Variants in PHACTR3 observed in about 807,000 individuals in gnomAD.
PHACTR3 encodes phosphatase and actin regulator 3.
In PHACTR3, 16 loss-of-function variants were observed where a neutral mutation model predicts 66.8. The observed-to-expected ratio is 0.24, with a 90% CI of 0.16 to 0.36. The LOEUF (loss-of-function observed/expected upper bound fraction) is 0.36. Among genes scored for constraint, PHACTR3 ranks in the 10% least tolerant of loss-of-function variants. The pLI, the probability that PHACTR3 is intolerant of heterozygous loss-of-function variation, is 1.00. For missense variants in PHACTR3, 647 were observed against 719.9 expected (o/e 0.90, Z 1.16); for synonymous variants, 323 against 292.1 (o/e 1.11, Z -1.08).
At chr20:59,634,826 C>T (rs1282376323) in intron 1 of PHACTR3, among the ~76,000 whole-genome samples, 1 of 152,168 alleles carries the variant, frequency 6.6e-6, no homozygotes, top group African/African-American at 2.4e-5. Flanking sequence ...GCTGAACACT[C>T]GAAATGTGGC....
At chr20:59,579,250 C>T (rs759288778) in intron 1 of PHACTR3, among the ~76,000 whole-genome samples, 2 of 152,240 alleles carry the variant, frequency 1.3e-5, no homozygotes, top group African/African-American at 4.8e-5. Flanking sequence ...GCTCCTCAGT[C>T]GCTGGGCATT....
At chr20:59,815,678 C>T (rs1161711021) in intron 8 of PHACTR3, among the ~76,000 whole-genome samples, 1 of 152,144 alleles carries the variant, frequency 6.6e-6, no homozygotes, top group Non-Finnish European at 1.5e-5. Context: ...CTGCCTTGGC[C>T]TCCCAAAGTG....
chr20:59,692,405 A>T (rs1298718995), intron 1 of PHACTR3, among the ~76,000 whole-genome samples: 1 of 152,162 alleles, frequency 6.6e-6, no homozygotes, highest in Non-Finnish European at 1.5e-5. Context: ...TTGCCCAGTG[A>T]TGATTTTGAC....
intron 4 of PHACTR3, among the ~76,000 whole-genome samples, chr20:59,759,861 C>T (rs539269144): frequency 7.2e-5 from 11 of 152,302 alleles, no homozygotes; most frequent in Admixed American, 2.0e-4. Flanking sequence ...AAATGTGTCA[C>T]GTGAGTGCTG....
chr20:59,579,053 C>T (rs1219810398), intron 1 of PHACTR3, among the ~76,000 whole-genome samples: 3 of 152,222 alleles, frequency 2.0e-5, no homozygotes, highest in Non-Finnish European at 1.5e-5. Flanking sequence ...AGTGTCAGTG[C>T]CCTCCCCTAA....
chr20:59,775,975 T>A (rs1182489), intron 7 of PHACTR3, among the ~76,000 whole-genome samples: 92,978 of 152,100 alleles, frequency 0.61, 30,210 homozygotes, highest in Non-Finnish European at 0.71. Flanking sequence ...GTGAAGACAA[T>A]CTAAAATGTC....
chr20:59,587,771 T>C (rs1024068637), intron 1 of PHACTR3, among the ~76,000 whole-genome samples: 1 of 151,966 alleles, frequency 6.6e-6, no homozygotes, highest in Non-Finnish European at 1.5e-5. Flanking sequence ...GGGCTGGGGC[T>C]GGGGCCTGGG....
intron 11 of PHACTR3, among the ~76,000 whole-genome samples, chr20:59,842,781 C>T (rs541222075): frequency 2.6e-5 from 4 of 152,014 alleles, no homozygotes; most frequent in Non-Finnish European, 5.9e-5. Flanking sequence ...GTGCTTGGTC[C>T]GTTTAGGTAT....
Position 59,743,121 on chromosome 20 carries a change from A to G in PHACTR3, c.133A>G (p.Thr45Ala), listed in dbSNP as rs746642893. Residue 45 changes from threonine (T) to alanine (A), a missense_variant, in exon 2 of 13, where the codon ACG becomes GCG. Thr to Ala is a moderately conservative substitution (Grantham distance 58, BLOSUM62 0). Around this residue, in one of 2 missense-constraint regions of PHACTR3, gnomAD observed 577 missense variants for 571.1 expected, o/e 1.01. Transcript: ENST00000371015. ...AGENPDEMDQ[T>A]PPARPEYLVS... is the part of the protein sequence containing the mutation. ...TCGTCTTCCAGATGAGATGGACCAA[A>G]CGCCCCCGGCGCGTCCTGAATATCT... The G allele has an allele frequency of 4.3e-6, 7 of 1,613,182 alleles. No homozygotes were observed. The East Asian group carries it at 1.6e-4, about 36-fold the overall frequency.
intron 3 of PHACTR3, 59 bp downstream of exon 3, chr20:59,747,894 G>T: frequency 6.4e-7 from 1 of 1,555,392 alleles, no homozygotes; most frequent in Non-Finnish European, 8.8e-7. Context: ...AGAATGGAAA[G>T]TCTCACATGA....
chr20:59,589,863 A>T (rs890740287), intron 1 of PHACTR3, among the ~76,000 whole-genome samples: 2 of 152,216 alleles, frequency 1.3e-5, no homozygotes, highest in African/African-American at 4.8e-5. Context: ...TTGCTCTTTT[A>T]TTTATTATTA....
chr20:59,794,303 T>C (rs1292767166), intron 7 of PHACTR3, among the ~76,000 whole-genome samples: 1 of 152,216 alleles, frequency 6.6e-6, no homozygotes, highest in Non-Finnish European at 1.5e-5. Context: ...TATGAAGTGA[T>C]GTTGAATTTT....
chr20:59,738,075 C>T lies in PHACTR3; in HGVS notation c.119-5032C>T, dbSNP rs986405852. 3.9e-5 allele frequency among the ~76,000 whole-genome samples: 6 copies of T among 151,932 alleles called. No individual in the cohort carries two copies. The highest frequency in any genetic ancestry group is 1.3e-4 in the Admixed American group (2 of 15,250). ...AGTGATGGTGGTAGGGAGGGGGAGG[C>T]GCCACTGCCCCTCCTGCCCACCTTC... On this transcript the variant is annotated intron_variant, in intron 1 of 12. Coordinates refer to ENST00000371015, the MANE Select transcript of PHACTR3 (RefSeq NM_080672.5). The surrounding 1 kb of genome is among the most constrained non-coding windows in gnomAD (Gnocchi z 4.4).
intron 2 of PHACTR3, among the ~76,000 whole-genome samples, chr20:59,745,045 G>A (rs1388667556): frequency 2.0e-5 from 3 of 152,208 alleles, no homozygotes; most frequent in South Asian, 4.1e-4. Flanking sequence ...GCAGGATCAC[G>A]GAGCAGGCCC....
At chr20:59,748,267 G>A (rs1038123813) in intron 3 of PHACTR3, among the ~76,000 whole-genome samples, 2 of 152,152 alleles carry the variant, frequency 1.3e-5, no homozygotes, top group Non-Finnish European at 1.5e-5. Flanking sequence ...GAAGCATTCA[G>A]GACATGCTGG....
chr20:59,841,582 A>G, intron 11 of PHACTR3, 47 bp downstream of exon 11: 1 of 1,572,160 alleles, frequency 6.4e-7, no homozygotes, highest in Non-Finnish European at 8.6e-7. Flanking sequence ...GATATAATAA[A>G]GGCAAAATAT....
chr20:59,764,943 G>T (rs961397431), intron 4 of PHACTR3, among the ~76,000 whole-genome samples: 17 of 152,224 alleles, frequency 1.1e-4, no homozygotes, highest in Non-Finnish European at 1.8e-4. Flanking sequence ...CAGGAACTTG[G>T]CTGCCGAGGA....
intron 3 of PHACTR3, among the ~76,000 whole-genome samples, chr20:59,751,271 G>T (rs1403003499): frequency 4.6e-5 from 7 of 152,188 alleles, no homozygotes; most frequent in Admixed American, 2.6e-4. Flanking sequence ...GCAGCCGGGG[G>T]CGCCCTCCTG....
intron 1 of PHACTR3, among the ~76,000 whole-genome samples, chr20:59,584,411 T>G (rs2032957760): frequency 6.6e-6 from 1 of 151,528 alleles, no homozygotes; most frequent in Non-Finnish European, 1.5e-5. Context: ...TGTGCGTGCC[T>G]GTGTGTGTAT....
Sources: allele counts gnomAD v4.1 joint callset (sites outside exome capture counted in the v4.1 genomes callset), GRCh38; gene constraint gnomAD v4.1.1; regional missense constraint gnomAD v4.1.1; non-coding constraint Gnocchi (gnomAD v3.1); transcripts MANE v1.5; gene names NCBI Gene and HGNC (gene_info 2026-07-23, HGNC 2026-07-21).